Variants in PCDHGB1 observed in about 807,000 individuals in gnomAD.
PCDHGB1 encodes the protein protocadherin gamma subfamily B, 1, also known as protocadherin gamma-B1.
Under a neutral mutation model 56.6 loss-of-function variants are expected in PCDHGB1, and 34 were observed. That is an observed-to-expected ratio of 0.60 (90% confidence interval 0.46 to 0.80). The LOEUF (loss-of-function observed/expected upper bound fraction) is 0.80, where lower values mean the gene tolerates loss of function less well. Ranked by LOEUF, PCDHGB1 falls within the 30% of genes least tolerant of loss-of-function variation. The probability of loss-of-function intolerance (pLI) is 0.00; values close to 1 mark genes in which losing one functional copy is unlikely to be tolerated. For synonymous variants in PCDHGB1, 561 were observed against 505.9 expected, an observed-to-expected ratio of 1.11 and a Z score of -1.46; for missense variants, 1,278 against 1,204.6, an observed-to-expected ratio of 1.06 and a Z score of -0.90.
intron 1 of PCDHGB1, chr5:141,356,408 G>A (rs375778889): frequency 6.3e-7 from 1 of 1,595,544 alleles, no homozygotes; most frequent in Non-Finnish European, 8.5e-7. Context: ...AATTATTATC[G>A]GTTGTTGACA....
chr5:141,364,628 C>T (rs1484570270), intron 1 of PCDHGB1: 17 of 1,613,958 alleles, frequency 1.1e-5, no homozygotes, highest in Non-Finnish European at 1.1e-5. Flanking sequence ...CGCTCAGAGC[C>T]CACTGTGTGT....
chr5:141,395,525 G>A, intron 1 of PCDHGB1: 2 of 384,022 alleles, frequency 5.2e-6, no homozygotes, highest in Non-Finnish European at 9.3e-6. Flanking sequence ...CGTCCATACT[G>A]GTAATTTTGC....
intron 1 of PCDHGB1, chr5:141,423,565 C>G: frequency 1.2e-6 from 2 of 1,613,594 alleles, no homozygotes; most frequent in Non-Finnish European, 1.7e-6. Context: ...TGGGGACACG[C>G]TCATCAGCCA....
chr5:141,395,657 T>C (rs1400217115), intron 1 of PCDHGB1: 1 of 162,996 alleles, frequency 6.1e-6, no homozygotes, highest in African/African-American at 2.4e-5. Context: ...TTAGCAAAAG[T>C]AAAATATATC....
chr5:141,407,135 GA>G (rs796659459), intron 1 of PCDHGB1, among the ~76,000 whole-genome samples: 93 of 151,930 alleles, frequency 6.1e-4, no homozygotes, highest in African/African-American at 2.2e-3. Flanking sequence ...TTATTTTTAA[GA>G]AAAAAAAGCT....
intron 1 of PCDHGB1, among the ~76,000 whole-genome samples, chr5:141,461,004 T>C (rs2099006736): frequency 6.6e-6 from 1 of 151,664 alleles, no homozygotes; most frequent in Non-Finnish European, 1.5e-5. Context: ...TATGTGTATA[T>C]ATATATACCA....
chr5:141,433,313 C>T (rs2097582516), intron 1 of PCDHGB1: 5 of 866,388 alleles, frequency 5.8e-6, no homozygotes, highest in Admixed American at 2.8e-5. Context: ...CCCACCTTTG[C>T]CTCCGGTGTA....
At chr5:141,405,334 T>C in intron 1 of PCDHGB1, 1 of 1,614,196 alleles carries the variant, frequency 6.2e-7, no homozygotes. Flanking sequence ...TGTGCGTCTC[T>C]GTTGATTCCA....
Position 141,491,509 on chromosome 5 carries a change from C to T in PCDHGB1, c.2410-3298C>T. 6.2e-7 allele frequency: 1 copy of T among 1,614,058 alleles called. No individual in the cohort carries two copies. Among genetic ancestry groups the T allele is most frequent in the Non-Finnish European group, 8.5e-7 (1 of 1,180,022 alleles). On this transcript the variant is annotated intron_variant, in intron 1 of 3. Coordinates refer to ENST00000523390, the MANE Select transcript of PCDHGB1 (RefSeq NM_018922.3). The surrounding 1 kb of genome is among the most constrained non-coding windows in gnomAD (Gnocchi z 6.9). Reference sequence around the variant, plus strand: ...CCTGCAGGTGAGCTCGGACGGCACGCTCAAGTACATGGAGGTGACGCTGCG... The same window carrying T: ...CCTGCAGGTGAGCTCGGACGGCACGTTCAAGTACATGGAGGTGACGCTGCG...
chr5:141,353,265 C>G (rs1307972871), intron 1 of PCDHGB1, among the ~76,000 whole-genome samples: 1 of 152,154 alleles, frequency 6.6e-6, no homozygotes, highest in Non-Finnish European at 1.5e-5. Context: ...ATATGCAATA[C>G]TATATTTTCA....
chr5:141,418,620 A>T lies in PCDHGB1; in HGVS notation c.2409+65951A>T, dbSNP rs762197476. 180 of 1,613,904 alleles carry T rather than the reference A, an allele frequency of 1.1e-4. No homozygotes were observed. The highest frequency in any genetic ancestry group is 1.5e-4 in the Non-Finnish European group (172 of 1,179,900). On this transcript the variant is annotated intron_variant, in intron 1 of 3. Coordinates refer to ENST00000523390, the MANE Select transcript of PCDHGB1 (RefSeq NM_018922.3). The stretch of plus-strand genomic sequence containing the variant: ...GTGTACAGGGTTAGCCTTCGGGAAG[A>T]CGTGCCTCCAGGCACCTCCATCCTG...
chr5:141,489,894 G>A lies in PCDHGB1; in HGVS notation c.2410-4913G>A, dbSNP rs942456058. 33 of 1,614,204 alleles carry A rather than the reference G, an allele frequency of 2.0e-5. No individual in the cohort carries two copies. The highest frequency in any genetic ancestry group is 2.4e-5 in the Non-Finnish European group (28 of 1,180,028). Reference sequence around the variant, plus strand: ...TGGTGCTTACTGCTGTGGATGGGGGGACCCCAGCCCGCTCAGGGACCACCC... The same window carrying A: ...TGGTGCTTACTGCTGTGGATGGGGGAACCCCAGCCCGCTCAGGGACCACCC... On this transcript the variant is annotated intron_variant, in intron 1 of 3. Coordinates refer to ENST00000523390, the MANE Select transcript of PCDHGB1 (RefSeq NM_018922.3). This position sits in a 1 kb window ranked among gnomAD's most constrained non-coding sequence, Gnocchi z 4.5.
chr5:141,360,438 G>A (rs1761598718), intron 1 of PCDHGB1: 1 of 1,613,844 alleles, frequency 6.2e-7, no homozygotes, highest in Non-Finnish European at 8.5e-7. Flanking sequence ...AGCAGCCTCT[G>A]TGTGTTCTGG....
intron 1 of PCDHGB1, chr5:141,384,651 C>G (rs138410124): frequency 1.2e-6 from 2 of 1,614,076 alleles, no homozygotes; most frequent in Non-Finnish European, 1.7e-6. Context: ...CCGCAGAGCC[C>G]GGCTACCTGG....
At chr5:141,467,704 C>T (rs2099149502) in intron 1 of PCDHGB1, among the ~76,000 whole-genome samples, 2 of 152,174 alleles carry the variant, frequency 1.3e-5, no homozygotes. Flanking sequence ...CTCTGTTGCC[C>T]AGGCTGGAGT....
chr5:141,362,035 G>A, intron 1 of PCDHGB1: 2 of 1,609,742 alleles, frequency 1.2e-6, no homozygotes, highest in South Asian at 1.1e-5. Flanking sequence ...TGCCTTGGGC[G>A]ACAGGGACGC....
chr5:141,385,709 A>C, intron 1 of PCDHGB1: 1 of 259,262 alleles, frequency 3.9e-6, no homozygotes, highest in Non-Finnish European at 6.2e-6. Context: ...TAGCATTCAA[A>C]TATGTAAAAG....
intron 1 of PCDHGB1, chr5:141,376,853 A>C (rs188570810): frequency 0.022 from 4,983 of 229,694 alleles, 85 homozygotes; most frequent in East Asian, 0.036. Flanking sequence ...CGCCCGGCTA[A>C]TTTTTTTGTA....
At chr5:141,472,786 G>A (rs549389294) in intron 1 of PCDHGB1, among the ~76,000 whole-genome samples, 1 of 151,888 alleles carries the variant, frequency 6.6e-6, no homozygotes, top group Non-Finnish European at 1.5e-5. Flanking sequence ...GGGAGTTCAA[G>A]ATCAGCCTGA....
Sources: allele counts gnomAD v4.1 joint callset (sites outside exome capture counted in the v4.1 genomes callset), GRCh38; gene constraint gnomAD v4.1.1; non-coding constraint Gnocchi (gnomAD v3.1); transcripts MANE v1.5; gene names NCBI Gene and HGNC (gene_info 2026-07-23, HGNC 2026-07-21).